SNX31: variants seen among roughly 807,000 people sequenced by gnomAD.
SNX31 encodes sorting nexin 31.
A neutral mutation model predicts 65.4 loss-of-function variants in SNX31; 58 were observed. The observed-to-expected ratio is 0.89, with a 90% CI of 0.72 to 1.10. SNX31 has a LOEUF of 1.10. SNX31 is among the 50% of genes least tolerant of loss of function. The pLI is 0.00. For missense variants in SNX31, 523 were observed against 529.7 expected (o/e 0.99, Z 0.12); for synonymous variants, 181 against 190.1 (o/e 0.95, Z 0.39).
chr8:100,600,203 A>G (rs1586903958), intron 9 of SNX31, 146 bp downstream of exon 9: 1 of 658,104 alleles, frequency 1.5e-6, no homozygotes, highest in East Asian at 2.8e-5. Context: ...TGTACTCAGA[A>G]CAATCAATGA....
chr8:100,625,302 A>G lies in SNX31; in HGVS notation c.321+5025T>C, dbSNP rs116435173. Among the ~76,000 whole-genome samples the G allele has an allele frequency of 6.3e-3, 957 of 152,000 alleles. 14 individuals carry two copies. Among genetic ancestry groups the G allele is most frequent in the African/African-American group, 0.022 (915 of 41,456 alleles). Reference sequence around the variant, plus strand: ...AGGAACATTCTTAAGAATGTTTTCCATTTCCCTTGTAGAGAAATGACAGCG... The same window carrying G: ...AGGAACATTCTTAAGAATGTTTTCCGTTTCCCTTGTAGAGAAATGACAGCG... On this transcript the variant is annotated intron_variant, in intron 4 of 13. Transcript: ENST00000311812. The surrounding 1 kb of genome is among the most constrained non-coding windows in gnomAD (Gnocchi z 4.2).
Position 100,630,362 on chromosome 8 carries a change from C to A in SNX31, c.286G>T (p.Asp96Tyr), listed in dbSNP as rs1240010252. 3.1e-6 allele frequency: 5 copies of A among 1,613,246 alleles called. No homozygotes were observed. Among genetic ancestry groups the A allele is most frequent in the Non-Finnish European group, 4.2e-6 (5 of 1,179,858 alleles). ...AGTTTTAAAAACTCAACGAAGACAT[C>A]ACTTCTCAACACGTTTGGGTCCATG... ...VTMDPNVLRS[D>Y]VFVEFLKLAQ... The change falls in exon 4 of 14, where the codon GAT becomes TAT. Residue 96 changes from aspartate to tyrosine, a missense_variant. Transcript: ENST00000311812. This position sits in a 1 kb window ranked among gnomAD's most constrained non-coding sequence, Gnocchi z 5.3.
intron 3 of SNX31, among the ~76,000 whole-genome samples, chr8:100,635,651 G>C (rs1818718451): frequency 6.6e-6 from 1 of 151,878 alleles, no homozygotes. Context: ...CAAATCTTTA[G>C]AGATAAAAAT....
chr8:100,628,923 T>C (rs1036395181), intron 4 of SNX31, among the ~76,000 whole-genome samples: 7 of 151,662 alleles, frequency 4.6e-5, no homozygotes, highest in African/African-American at 1.7e-4. Context: ...AAAATGATAG[T>C]ACCATATTTT....
chr8:100,607,407 G>A (rs1203418422), intron 8 of SNX31, among the ~76,000 whole-genome samples: 2 of 152,172 alleles, frequency 1.3e-5, no homozygotes, highest in Non-Finnish European at 2.9e-5. Context: ...TTCATCACAC[G>A]AGGCAGGAGA....
chr8:100,643,412 C>G (rs1483705606), intron 2 of SNX31, among the ~76,000 whole-genome samples: 3 of 152,088 alleles, frequency 2.0e-5, no homozygotes, highest in African/African-American at 7.2e-5. Context: ...CAAAAGGTGT[C>G]TGTTTCTAAT....
intron 12 of SNX31, among the ~76,000 whole-genome samples, chr8:100,580,298 C>T (rs533452602): frequency 6.6e-6 from 1 of 152,116 alleles, no homozygotes; most frequent in East Asian, 1.9e-4. Flanking sequence ...CTTAGGAACA[C>T]ATCTATTGCA....
intron 8 of SNX31, among the ~76,000 whole-genome samples, chr8:100,601,487 G>T (rs1167758739): frequency 6.6e-6 from 1 of 152,144 alleles, no homozygotes; most frequent in Non-Finnish European, 1.5e-5. Context: ...GCAAATACAT[G>T]AAATGTATGA....
intron 2 of SNX31, 66 bp downstream of exon 2, chr8:100,649,208 G>A (rs1457309582): frequency 3.9e-6 from 6 of 1,519,328 alleles, no homozygotes; most frequent in African/African-American, 1.4e-5. Flanking sequence ...GGAACAGAGC[G>A]CTTTGGGGAC....
chr8:100,577,502 T>C (rs1238421548), intron 12 of SNX31, among the ~76,000 whole-genome samples: 1 of 151,388 alleles, frequency 6.6e-6, no homozygotes, highest in Non-Finnish European at 1.5e-5. Context: ...GGCACTTGAA[T>C]ATACCTCATG....
In SNX31 at chr8:100,618,662, G is replaced by C. The variant is rs923792250; in HGVS notation, c.322-932C>G. 2.3e-5 allele frequency: 10 copies of C among 440,732 alleles called. No homozygotes were observed. The South Asian group carries it at 3.4e-4, about 15-fold the overall frequency. 27.3% of individuals were successfully genotyped at this position (440,732 alleles called of 1,614,324 possible). A position where few individuals can be genotyped will look rare whatever the true frequency, so the allele number is the denominator to read the frequency against. On this transcript the variant is annotated intron_variant, in intron 4 of 13. Coordinates refer to ENST00000311812, the MANE Select transcript of SNX31 (RefSeq NM_152628.4). ...CCCTCTCAGGTTTGATAGTTTGCTA[G>C]AACAACTCACAAAGTGAAGGAAAAT... is the stretch of plus-strand genomic sequence containing the variant.
In SNX31 at chr8:100,649,326, C is replaced by A; in HGVS notation, c.89G>T (p.Gly30Val). Reference sequence around the variant, plus strand: ...GTAGCGCACCCTGCAGAAGAGGAACCCGTCCAGGTGCACGGAGTACAGCTG... The same window carrying A: ...GTAGCGCACCCTGCAGAAGAGGAACACGTCCAGGTGCACGGAGTACAGCTG... ...RYVLYSVHLD[G>V]FLFCRVRYSQ... The change falls in exon 2 of 14, where the codon GGG becomes GTG. Residue 30 changes from glycine to valine, a missense_variant. By Grantham distance (109) the Gly-to-Val change is moderately radical. Coordinates refer to ENST00000311812, the MANE Select transcript of SNX31 (RefSeq NM_152628.4). 6.2e-7 allele frequency: 1 copy of A among 1,614,084 alleles called. No individual in the cohort carries two copies. Among genetic ancestry groups the A allele is most frequent in the Non-Finnish European group, 8.5e-7 (1 of 1,179,956 alleles).
At chr8:100,603,436 C>T (rs973083337) in intron 8 of SNX31, among the ~76,000 whole-genome samples, 1 of 151,424 alleles carries the variant, frequency 6.6e-6, no homozygotes, top group Non-Finnish European at 1.5e-5. Context: ...TGTTTCATTA[C>T]CTTTTTTTTT....
rs752425672 is a variant in SNX31, at chr8:100,573,926, C to CTTTTTTTTTT, written c.1261_1262insAAAAAAAAAA (p.Ser421LysfsTer7). The CTTTTTTTTTT allele has an allele frequency of 5.0e-6, 8 of 1,586,998 alleles. No individual in the cohort carries two copies. The East Asian group carries it at 1.9e-4, about 37-fold the overall frequency. ...GTCATCTTTAGCTATCTTAATCTTG[C>CTTTTTTTTTT]TTTTTCTTGATAGAAAACTAGAATA... On this transcript the variant is annotated frameshift_variant, in exon 14 of 14. Coordinates refer to ENST00000311812, the MANE Select transcript of SNX31 (RefSeq NM_152628.4). LOFTEE classifies it high-confidence loss of function.
At chr8:100,654,560 A>T (rs1395463103), upstream of SNX31, among the ~76,000 whole-genome samples, 1 of 152,244 alleles carries the variant, frequency 6.6e-6, no homozygotes, top group Non-Finnish European at 1.5e-5. Flanking sequence ...TCAGGAAAAC[A>T]CCACTCTATG....
intron 11 of SNX31, among the ~76,000 whole-genome samples, chr8:100,585,230 C>T (rs980992467): frequency 6.6e-6 from 1 of 152,190 alleles, no homozygotes; most frequent in Non-Finnish European, 1.5e-5. Flanking sequence ...TTGCTCCTTT[C>T]CCACTTATCC....
At chr8:100,633,070 C>T (rs968258248) in intron 3 of SNX31, among the ~76,000 whole-genome samples, 1 of 151,768 alleles carries the variant, frequency 6.6e-6, no homozygotes, top group Non-Finnish European at 1.5e-5. Flanking sequence ...AGGCACGTGC[C>T]ACTACACCCA....
chr8:100,615,827 T>G (rs1189828541), intron 5 of SNX31, among the ~76,000 whole-genome samples: 2 of 152,230 alleles, frequency 1.3e-5, no homozygotes, highest in Non-Finnish European at 1.5e-5. Flanking sequence ...TGGAGTGCAG[T>G]GGCGCGATCT....
At chr8:100,592,430 G>A (rs778339204) in intron 10 of SNX31, among the ~76,000 whole-genome samples, 7 of 152,134 alleles carry the variant, frequency 4.6e-5, no homozygotes, top group East Asian at 1.9e-4. Flanking sequence ...ATGGGATACC[G>A]TGTCACATCT....
Sources: gnomAD v4.1 joint callset for allele counts (sites outside exome capture counted in the v4.1 genomes callset) on GRCh38, gnomAD v4.1.1 for gene constraint, Gnocchi (gnomAD v3.1) non-coding constraint, MANE v1.5 for transcripts, NCBI Gene and HGNC (gene_info 2026-07-23, HGNC 2026-07-21) for gene names.